Variants in CTDP1 observed in about 807,000 individuals in gnomAD.
CTDP1 encodes RNA polymerase II subunit A C-terminal domain phosphatase.
A neutral mutation model predicts 91.8 loss-of-function variants in CTDP1; 47 were observed. The observed-to-expected ratio is 0.51, with a 90% CI of 0.41 to 0.65. The LOEUF (loss-of-function observed/expected upper bound fraction) is 0.65, where lower values mean the gene tolerates loss of function less well. Among genes scored for constraint, CTDP1 ranks in the 30% least tolerant of loss-of-function variants. The probability of loss-of-function intolerance (pLI) is 0.00; values close to 1 mark genes in which losing one functional copy is unlikely to be tolerated. For missense variants in CTDP1, 1,272 were observed against 1,373.7 expected (o/e 0.93, Z 1.17); for synonymous variants, 656 against 598.5 (o/e 1.10, Z -1.40).
chr18:79,727,995 T>A (rs1018549094), intron 10 of CTDP1, among the ~76,000 whole-genome samples: 9 of 152,238 alleles, frequency 5.9e-5, no homozygotes, highest in Non-Finnish European at 1.0e-4. Context: ...AGCTGCGGTT[T>A]GAACATAGCA....
intron 5 of CTDP1, among the ~76,000 whole-genome samples, chr18:79,708,537 G>A (rs1368121540): frequency 1.3e-5 from 2 of 152,238 alleles, no homozygotes; most frequent in Admixed American, 1.3e-4. Flanking sequence ...ATCCGGAAGT[G>A]GACCCCGTGT....
At chr18:79,720,805 T>G (rs540499889) in intron 10 of CTDP1, among the ~76,000 whole-genome samples, 4 of 152,058 alleles carry the variant, frequency 2.6e-5, no homozygotes, top group African/African-American at 7.3e-5. Flanking sequence ...AGGCCTTGAG[T>G]CTAGGGGCTC....
At chr18:79,696,639 A>G (rs1482410727) in intron 3 of CTDP1, among the ~76,000 whole-genome samples, 1 of 152,120 alleles carries the variant, frequency 6.6e-6, no homozygotes, top group African/African-American at 2.4e-5. Flanking sequence ...TGGGGGTCCC[A>G]GGAGTGTTTG....
chr18:79,710,255 A>T, intron 5 of CTDP1, 91 bp from the exon 6 acceptor site: 1 of 1,021,962 alleles, frequency 9.8e-7, no homozygotes, highest in Non-Finnish European at 1.6e-6. Context: ...TGTGTCTGCC[A>T]CTTTAAAAAA....
intron 12 of CTDP1, chr18:79,749,748 C>G (rs1368543479): frequency 6.6e-6 from 1 of 152,232 alleles, no homozygotes; most frequent in African/African-American, 2.4e-5. Flanking sequence ...AGCACCTTCA[C>G]GTTTACGAGA....
chr18:79,713,074 C>T lies in CTDP1; in HGVS notation c.966C>T (p.Tyr322=). The T allele has an allele frequency of 1.2e-6, 2 of 1,614,144 alleles. No homozygotes were observed. The highest frequency in any genetic ancestry group is 1.7e-6 in the Non-Finnish European group (2 of 1,180,034). Residue 322 remains tyrosine (Y), a synonymous_variant, in exon 7 of 13, where the codon TAC becomes TAT. Coordinates refer to ENST00000613122, the MANE Select transcript of CTDP1 (RefSeq NM_004715.5). This position sits in a 1 kb window ranked among gnomAD's most constrained non-coding sequence, Gnocchi z 4.7. ...PNLITVKKYV[Y]FQGTGDMNAP... is the part of the protein sequence containing the mutation. ...TGATAACTGTGAAGAAATATGTATA[C>T]TTCCAGGGCACGGGTGATATGAATG...
At chr18:79,692,869 G>T (rs1423625719) in intron 1 of CTDP1, among the ~76,000 whole-genome samples, 1 of 152,284 alleles carries the variant, frequency 6.6e-6, no homozygotes, top group African/African-American at 2.4e-5. Context: ...ATGTCAGCTG[G>T]AGACCAGGGA....
At chr18:79,679,561 G>GT (rs1372561461), upstream of CTDP1, 23 of 464,228 alleles carry the variant, frequency 5.0e-5, no homozygotes, top group African/African-American at 4.6e-4. Flanking sequence ...GGGATACGTA[G>GT]TTCCGAGCGC....
rs1410922791 is a variant in CTDP1, at chr18:79,713,933, G to A, written c.1031-558G>A. Among the ~76,000 whole-genome samples, 4 of 143,352 alleles carry A rather than the reference G, an allele frequency of 2.8e-5. No individual in the cohort carries two copies. Among genetic ancestry groups the A allele is most frequent in the African/African-American group, 5.1e-5 (2 of 39,042 alleles). The allele number at this position is 143,352 out of a possible 152,430, so 94.0% of individuals were successfully genotyped here. A position where few individuals can be genotyped will look rare whatever the true frequency, so the allele number is the denominator to read the frequency against. On this transcript the variant is annotated intron_variant, in intron 7 of 12. Transcript: ENST00000613122. The surrounding 1 kb of genome is among the most constrained non-coding windows in gnomAD (Gnocchi z 4.7). ...TGCAGGGGCTTACGGCCACGGTGGCGCCAGGTCTGCAGGGGCTTACGGCCA... is the reference window on the plus strand; with the variant it reads ...TGCAGGGGCTTACGGCCACGGTGGCACCAGGTCTGCAGGGGCTTACGGCCA...
Position 79,715,094 on chromosome 18 carries a change from G to C in CTDP1, c.1634G>C (p.Gly545Ala), listed in dbSNP as rs768397443. 1.2e-6 allele frequency: 2 copies of C among 1,613,078 alleles called. No individual in the cohort carries two copies. Among genetic ancestry groups the C allele is most frequent in the African/African-American group, 2.7e-5 (2 of 74,948 alleles). The change falls in exon 8 of 13, where the codon GGC becomes GCC. Residue 545 changes from glycine to alanine, a missense_variant. Physicochemically the swap from Gly to Ala is moderately conservative, Grantham distance 60. Transcript: ENST00000613122. Reference sequence around the variant, plus strand: ...GAGCGGGATGGCCTCTGCGGCCTGGGCAACGGCTGTGCCGACAGGAAGGAG... The same window carrying C: ...GAGCGGGATGGCCTCTGCGGCCTGGCCAACGGCTGTGCCGACAGGAAGGAG... The part of the protein sequence containing the change: ...EGERDGLCGL[G>A]NGCADRKEAE...
Position 79,696,044 on chromosome 18 carries a change from G to C in CTDP1, c.466G>C (p.Val156Leu). The C allele has an allele frequency of 6.2e-7, 1 of 1,612,310 alleles. No individual in the cohort carries two copies. The change falls in exon 3 of 13, where the codon GTG (valine) becomes CTG (leucine). Residue 156 changes from valine (V) to leucine (L), a missense_variant. Physicochemically the swap from Val to Leu is conservative, Grantham distance 32. This residue lies in a region of CTDP1 where 177 missense variants were observed against 283.0 expected (regional missense o/e 0.63). Coordinates refer to ENST00000613122, the MANE Select transcript of CTDP1 (RefSeq NM_004715.5). ...STATVSMVHS[V>L]PELMVSSEQA... Reference sequence around the variant, plus strand: ...GGCGACCGTGTCCATGGTGCACAGCGTGCCGGAGTTGATGGTGAGCTCCGA... The same window carrying C: ...GGCGACCGTGTCCATGGTGCACAGCCTGCCGGAGTTGATGGTGAGCTCCGA...
chr18:79,710,472 C>G, intron 6 of CTDP1, 36 bp downstream of exon 6: 1 of 1,424,226 alleles, frequency 7.0e-7, no homozygotes, highest in Non-Finnish European at 9.9e-7. Context: ...AAAGACCTCG[C>G]TGTTCATTTC....
At chr18:79,737,063 G>A (rs1175333217) in intron 12 of CTDP1, among the ~76,000 whole-genome samples, 2 of 152,254 alleles carry the variant, frequency 1.3e-5, no homozygotes, top group African/African-American at 2.4e-5. Context: ...AGTGGTCCCC[G>A]CCTCCAGCGT....
At chr18:79,680,983 T>C (rs907444880) in intron 1 of CTDP1, 12 of 152,310 alleles carry the variant, frequency 7.9e-5, no homozygotes, top group African/African-American at 2.9e-4. Flanking sequence ...TCTGGTAGTT[T>C]TGATTGTGAG....
chr18:79,700,972 A>G (rs1032213515), intron 4 of CTDP1, among the ~76,000 whole-genome samples: 1 of 152,218 alleles, frequency 6.6e-6, no homozygotes, highest in South Asian at 2.1e-4. Context: ...CAAAGGCTGG[A>G]TGACAGCACC....
chr18:79,747,496 C>T (rs1398614191), intron 12 of CTDP1, among the ~76,000 whole-genome samples: 1 of 152,250 alleles, frequency 6.6e-6, no homozygotes, highest in Non-Finnish European at 1.5e-5. Context: ...CTTTCCTTGG[C>T]AGAGCCCAGC....
intron 6 of CTDP1, among the ~76,000 whole-genome samples, chr18:79,712,076 T>C (rs1194419770): frequency 3.1e-5 from 4 of 127,152 alleles, no homozygotes; most frequent in Non-Finnish European, 6.9e-5. Flanking sequence ...ACCTCCTTTT[T>C]GCTAGTTAGC....
At chr18:79,680,456 G>C (rs922633563) in intron 1 of CTDP1, among the ~76,000 whole-genome samples, 195 bp downstream of exon 1, 2 of 152,368 alleles carry the variant, frequency 1.3e-5, no homozygotes, top group Non-Finnish European at 2.9e-5. Context: ...GGAGCATTTT[G>C]AGATAAAAGG....
upstream of CTDP1, chr18:79,677,725 G>A (rs1399269810): frequency 6.6e-6 from 1 of 152,162 alleles, no homozygotes; most frequent in Non-Finnish European, 1.5e-5. Flanking sequence ...TGTCCTTACA[G>A]TGTGAACCAG....
Sources: allele counts gnomAD v4.1 joint callset (sites outside exome capture counted in the v4.1 genomes callset), GRCh38; gene constraint gnomAD v4.1.1; regional missense constraint gnomAD v4.1.1; non-coding constraint Gnocchi (gnomAD v3.1); transcripts MANE v1.5; gene names NCBI Gene and HGNC (gene_info 2026-07-23, HGNC 2026-07-21).